VPS13A: variants seen among roughly 807,000 people sequenced by gnomAD.
VPS13A encodes vacuolar protein sorting 13 homolog A, also known as intermembrane lipid transfer protein VPS13A.
In VPS13A, 264 loss-of-function variants were observed where a neutral mutation model predicts 390.9. The ratio of observed to expected loss-of-function variants is 0.68; its 90% CI spans 0.61 to 0.75. The LOEUF (loss-of-function observed/expected upper bound fraction) is 0.75, where lower values mean the gene tolerates loss of function less well. VPS13A is among the 30% of genes least tolerant of loss of function. The probability of loss-of-function intolerance (pLI) is 0.00; values close to 1 mark genes in which losing one functional copy is unlikely to be tolerated. For missense variants in VPS13A, 3,409 were observed against 3,733.9 expected, an observed-to-expected ratio of 0.91 and a Z score of 2.27; for synonymous variants, 1,231 against 1,227.1, an observed-to-expected ratio of 1.00 and a Z score of -0.07.
chr9:77,238,031 T>C lies in VPS13A; in HGVS notation c.1625T>C (p.Ile542Thr), dbSNP rs777646829. ...GAAACTAAAATAGATTCATTTCATA[T>C]TACTGGCTTACCAGATAATTCAGAA... is the stretch of plus-strand genomic sequence containing the variant. Reference protein sequence around the residue: ...KFETKIDSFHITGLPDNSEKP... With the variant: ...KFETKIDSFHTTGLPDNSEKP... The change falls in exon 18 of 72, where the codon ATT becomes ACT. Residue 542 changes from isoleucine to threonine, a missense_variant. Ile to Thr is a moderately conservative substitution (Grantham distance 89). This residue lies in a region of VPS13A where 2,717 missense variants were observed against 2,917.4 expected (regional missense o/e 0.93). Coordinates refer to ENST00000360280, the MANE Select transcript of VPS13A (RefSeq NM_033305.3). The C allele has an allele frequency of 1.2e-6, 2 of 1,612,846 alleles. No homozygotes were observed. The highest frequency in any genetic ancestry group is 1.7e-6 in the Non-Finnish European group (2 of 1,179,124).
Position 77,337,292 on chromosome 9 carries a change from C to G in VPS13A, c.6133C>G (p.Gln2045Glu). The G allele has an allele frequency of 6.2e-7, 1 of 1,612,824 alleles. No individual in the cohort carries two copies. The highest frequency in any genetic ancestry group is 8.5e-7 in the Non-Finnish European group (1 of 1,179,660). Residue 2045 changes from glutamine (Q) to glutamate (E), a missense_variant, in exon 47 of 72, where the codon CAA becomes GAA. Coordinates refer to ENST00000360280, the MANE Select transcript of VPS13A (RefSeq NM_033305.3). ...TCTGAAGCCAGAAGATGAGAACTATCAAATGTGTGAAGGAATTGACTTTGA... is the reference window on the plus strand; with the variant it reads ...TCTGAAGCCAGAAGATGAGAACTATGAAATGTGTGAAGGAATTGACTTTGA... ...IFLKPEDENY[Q>E]MCEGIDFEEI...
chr9:77,352,306 C>G (rs1356049132), intron 53 of VPS13A, among the ~76,000 whole-genome samples: 1 of 152,024 alleles, frequency 6.6e-6, no homozygotes, highest in African/African-American at 2.4e-5. Context: ...CAAGATTCAT[C>G]TTAATTTGAC....
chr9:77,208,967 G>T (rs1285969901), intron 5 of VPS13A, among the ~76,000 whole-genome samples: 2 of 152,150 alleles, frequency 1.3e-5, no homozygotes, highest in Non-Finnish European at 2.9e-5. Context: ...GAAGAAAGAA[G>T]ATCTTATTTC....
At chr9:77,199,547 C>T (rs1472122505) in intron 1 of VPS13A, among the ~76,000 whole-genome samples, 1 of 152,026 alleles carries the variant, frequency 6.6e-6, no homozygotes, top group Non-Finnish European at 1.5e-5. Flanking sequence ...TTTTTATTTA[C>T]GTATCTTGGG....
intron 24 of VPS13A, among the ~76,000 whole-genome samples, chr9:77,275,152 G>A (rs934900263): frequency 6.6e-6 from 1 of 151,932 alleles, no homozygotes; most frequent in African/African-American, 2.4e-5. Context: ...GAGTATTCAT[G>A]GTGTGTATAA....
chr9:77,316,537 A>G, intron 39 of VPS13A, 131 bp downstream of exon 39: 1 of 712,544 alleles, frequency 1.4e-6, no homozygotes. Context: ...CTGCTTAGAG[A>G]GCTTAATTTA....
intron 13 of VPS13A, among the ~76,000 whole-genome samples, chr9:77,225,078 T>G (rs1038778656): frequency 6.6e-6 from 1 of 152,198 alleles, no homozygotes; most frequent in Non-Finnish European, 1.5e-5. Flanking sequence ...GACAATGCCA[T>G]TGCACCCTTA....
intron 62 of VPS13A, 79 bp from the exon 63 acceptor site, chr9:77,369,218 CTG>C: frequency 1.9e-6 from 2 of 1,073,804 alleles, no homozygotes; most frequent in Non-Finnish European, 2.9e-6. Flanking sequence ...CCTGAGAAAA[CTG>C]GGCGTGTGTT....
chr9:77,298,798 C>A (rs933681167), intron 33 of VPS13A, among the ~76,000 whole-genome samples: 2 of 152,040 alleles, frequency 1.3e-5, no homozygotes, highest in Admixed American at 6.6e-5. Context: ...GGTGGTTCCC[C>A]CATACTGTTC....
At position 77,276,849 on chromosome 9, in the gene VPS13A, A is replaced by G. The variant is rs929152773; in HGVS notation, c.2824+628A>G. The stretch of plus-strand genomic sequence containing the variant: ...ACCTCCTCTTCTGTGTTTTGCTTCC[A>G]CTCTTAAAACTCCAGTGATTAGATT... On this transcript the variant is annotated intron_variant, in intron 26 of 71. Transcript: ENST00000360280. Among the ~76,000 whole-genome samples the G allele has an allele frequency of 5.9e-5, 9 of 152,018 alleles. 1 individual carries two copies. The highest frequency in any genetic ancestry group is 2.2e-4 in the African/African-American group (9 of 41,362).
At chr9:77,399,632 A>G (rs895629937) in intron 68 of VPS13A, among the ~76,000 whole-genome samples, 6 of 152,222 alleles carry the variant, frequency 3.9e-5, no homozygotes, top group Admixed American at 3.3e-4. Context: ...AAACTTCGCC[A>G]TATGGAACAA....
intron 68 of VPS13A, among the ~76,000 whole-genome samples, chr9:77,399,491 A>AAGTT (rs1184155306): frequency 2.6e-5 from 4 of 151,874 alleles, no homozygotes; most frequent in African/African-American, 9.7e-5. Context: ...ATGGAAATAA[A>AAGTT]AGTTAGGTAC....
At chr9:77,300,729 CA>C (rs1174189224) in intron 33 of VPS13A, among the ~76,000 whole-genome samples, 1 of 152,060 alleles carries the variant, frequency 6.6e-6, no homozygotes, top group Non-Finnish European at 1.5e-5. Context: ...GAGACTGTCT[CA>C]AAAAAACAAA....
At position 77,276,039 on chromosome 9, in the gene VPS13A, T is replaced by A. The variant is rs754549439; in HGVS notation, c.2668-26T>A. The A allele has an allele frequency of 5.6e-6, 9 of 1,607,712 alleles. No individual in the cohort carries two copies. In the South Asian group the frequency reaches 9.9e-5, roughly 18 times the overall value. On this transcript the variant is annotated intron_variant, in intron 25 of 71. Coordinates refer to ENST00000360280, the MANE Select transcript of VPS13A (RefSeq NM_033305.3). ...AACATGTTTTTGTTTTATGTAGTGG[T>A]AATTTCTTTTTTCTTTCTTCTCCAG... is the stretch of plus-strand genomic sequence containing the variant.
chr9:77,219,409 G>A (rs1564639374), intron 10 of VPS13A, among the ~76,000 whole-genome samples: 1 of 151,924 alleles, frequency 6.6e-6, no homozygotes, highest in East Asian at 1.9e-4. Context: ...ATTCTTTTTG[G>A]CACCAAACAC....
intron 17 of VPS13A, among the ~76,000 whole-genome samples, chr9:77,228,990 A>G (rs1823674364): frequency 6.6e-6 from 1 of 152,188 alleles, no homozygotes; most frequent in Non-Finnish European, 1.5e-5. Context: ...AACACGTGGG[A>G]ATTATGGGAG....
intron 21 of VPS13A, among the ~76,000 whole-genome samples, chr9:77,251,053 A>G (rs534671366): frequency 6.6e-6 from 1 of 152,224 alleles, no homozygotes; most frequent in Non-Finnish European, 1.5e-5. Context: ...TGAGAATCCA[A>G]AGTAGTTGTT....
rs1440591881 is a variant in VPS13A, at chr9:77,293,398, G to A, written c.3397G>A (p.Ala1133Thr). The stretch of plus-strand genomic sequence containing the variant: ...CTTCAAAATGGTTTCTTACATGGAT[G>A]CAACTGCTGGTTCTGCATACACAGA... ...FSFKMVSYMD[A>T]TAGSAYTDMN... is the part of the protein sequence containing the mutation. Residue 1133 changes from alanine (A) to threonine (T), a missense_variant, in exon 32 of 72, where the codon GCA (alanine) becomes ACA (threonine). By Grantham distance (58) the Ala-to-Thr change is moderately conservative. Transcript: ENST00000360280. 3 of 1,613,196 alleles carry A rather than the reference G, an allele frequency of 1.9e-6. No homozygotes were observed. The highest frequency in any genetic ancestry group is 2.5e-6 in the Non-Finnish European group (3 of 1,179,648).
Position 77,281,878 on chromosome 9 carries a change from T to C in VPS13A, c.2916T>C (p.Asn972=), listed in dbSNP as rs1304878961. The change falls in exon 28 of 72, where the codon AAT becomes AAC. Residue 972 remains asparagine, a synonymous_variant. Transcript: ENST00000360280. The part of the protein sequence containing the change: ...LTLEYVKAEK[N]VPDLKSTYNN... ...TTCTCTTTGGATAGGCTGAAAAGAATGTACCCGACTTGAAAAGTACCTATA... is the reference window on the plus strand; with the variant it reads ...TTCTCTTTGGATAGGCTGAAAAGAACGTACCCGACTTGAAAAGTACCTATA... 3 of 1,603,428 alleles carry C rather than the reference T, an allele frequency of 1.9e-6. No individual in the cohort carries two copies. The highest frequency in any genetic ancestry group is 3.3e-4 in the Middle Eastern group (2 of 6,032).
Sources: allele counts gnomAD v4.1 joint callset (sites outside exome capture counted in the v4.1 genomes callset), GRCh38; gene constraint gnomAD v4.1.1; regional missense constraint gnomAD v4.1.1; transcripts MANE v1.5; gene names NCBI Gene and HGNC (gene_info 2026-07-23, HGNC 2026-07-21).